CYB5R4: variants seen among roughly 807,000 people sequenced by gnomAD.
The protein encoded by CYB5R4 is N-terminal cytochrome b5 and cytochrome b5 oxidoreductase domain-containing protein.
In CYB5R4, 55 loss-of-function variants were observed where a neutral mutation model predicts 70.2. The observed-to-expected ratio is 0.78, with a 90% CI of 0.63 to 0.98. The LOEUF (loss-of-function observed/expected upper bound fraction) is 0.98, where lower values mean the gene tolerates loss of function less well. CYB5R4 is among the 50% of genes least tolerant of loss of function. The pLI is 0.00. For synonymous variants in CYB5R4, 197 were observed against 199.5 expected, an observed-to-expected ratio of 0.99 and a Z score of 0.11; for missense variants, 562 against 612.6, an observed-to-expected ratio of 0.92 and a Z score of 0.87.
chr6:83,927,992 GACACTTGT>G (rs1462821970), intron 10 of CYB5R4, among the ~76,000 whole-genome samples: 3 of 152,140 alleles, frequency 2.0e-5, no homozygotes, highest in Non-Finnish European at 2.9e-5. Context: ...TTCTGTTTAA[GACACTTGT>G]AGTACTTAGG....
intron 14 of CYB5R4, among the ~76,000 whole-genome samples, chr6:83,946,674 A>G (rs1289633322): frequency 6.6e-6 from 1 of 152,248 alleles, no homozygotes; most frequent in Non-Finnish European, 1.5e-5. Context: ...AGAAAGCCCC[A>G]TCATCTCAGC....
chr6:83,882,770 G>A (rs539944060), intron 2 of CYB5R4, among the ~76,000 whole-genome samples: 2 of 152,188 alleles, frequency 1.3e-5, no homozygotes, highest in South Asian at 4.1e-4. Flanking sequence ...GGTGGATCAC[G>A]AGATCAGGAG....
intron 2 of CYB5R4, among the ~76,000 whole-genome samples, chr6:83,864,921 G>A: frequency 6.6e-6 from 1 of 152,076 alleles, no homozygotes; most frequent in East Asian, 1.9e-4. Flanking sequence ...TGACTTTGTG[G>A]TAGCCAACAA....
At chr6:83,911,743 A>G (rs1045165290) in intron 4 of CYB5R4, among the ~76,000 whole-genome samples, 1 of 152,034 alleles carries the variant, frequency 6.6e-6, no homozygotes, top group Non-Finnish European at 1.5e-5. Context: ...GCCACACGCA[A>G]TCTTAAAAAG....
intron 2 of CYB5R4, among the ~76,000 whole-genome samples, chr6:83,891,735 A>G (rs1448699623): frequency 1.3e-5 from 2 of 152,206 alleles, no homozygotes; most frequent in Admixed American, 1.3e-4. Context: ...AGCCCCTATC[A>G]GAAAGAAAGA....
chr6:83,912,669 G>T (rs1215762041), intron 4 of CYB5R4, among the ~76,000 whole-genome samples: 1 of 152,206 alleles, frequency 6.6e-6, no homozygotes, highest in Non-Finnish European at 1.5e-5. Context: ...GTTACCAAGA[G>T]AAAACATCAG....
chr6:83,864,297 C>T lies in CYB5R4; in HGVS notation c.198C>T (p.Asn66=). 1 of 1,611,702 alleles carries T rather than the reference C, an allele frequency of 6.2e-7. No homozygotes were observed. The highest frequency in any genetic ancestry group is 8.5e-7 in the Non-Finnish European group (1 of 1,179,038). The change falls in exon 2 of 16, where the codon AAC becomes AAT. Residue 66 remains asparagine (N), a synonymous_variant. Transcript: ENST00000369681. Reference sequence around the variant, plus strand: ...CTGAAGAAGAACTTAAGAAACACAACAAAAAAGATGATTGTTGGATATGCA... The same window carrying T: ...CTGAAGAAGAACTTAAGAAACACAATAAAAAAGATGATTGTTGGATATGCA... ...EVTEEELKKH[N]KKDDCWICIR... is the part of the protein sequence containing the mutation.
chr6:83,923,293 C>G (rs1053232375), intron 9 of CYB5R4, among the ~76,000 whole-genome samples: 3 of 152,112 alleles, frequency 2.0e-5, no homozygotes, highest in African/African-American at 4.8e-5. Context: ...TTTTCAAGTA[C>G]TGTCATGGTA....
chr6:83,964,435 A>C lies in CYB5R4; in HGVS notation c.*4557A>C, dbSNP rs1323511982. On this transcript the variant is annotated 3_prime_UTR_variant, in exon 16 of 16. Transcript: ENST00000369681. Reference sequence around the variant, plus strand: ...GCGGCATTTTGCCCCTGCCCTGGAGATTTGTGGAACTCTGAACTTGAGAGA... The same window carrying C: ...GCGGCATTTTGCCCCTGCCCTGGAGCTTTGTGGAACTCTGAACTTGAGAGA... 1 of 152,686 alleles carries C rather than the reference A, an allele frequency of 6.5e-6. No individual in the cohort carries two copies. The allele number at this position is 152,686 out of a possible 1,614,324, so 9.5% of individuals were successfully genotyped here.
intron 2 of CYB5R4, among the ~76,000 whole-genome samples, chr6:83,883,567 T>C (rs1450943081): frequency 6.6e-6 from 1 of 152,110 alleles, no homozygotes; most frequent in Admixed American, 6.6e-5. Context: ...ACAGAATTCT[T>C]GAAGGATAAA....
intron 2 of CYB5R4, among the ~76,000 whole-genome samples, chr6:83,887,195 G>C (rs1450676692): frequency 1.3e-5 from 2 of 152,120 alleles, no homozygotes; most frequent in African/African-American, 4.8e-5. Flanking sequence ...AAAGTGGTGA[G>C]CTACTAGGCA....
chr6:83,934,337 C>T (rs992350714), intron 10 of CYB5R4, among the ~76,000 whole-genome samples: 1 of 150,984 alleles, frequency 6.6e-6, no homozygotes, highest in African/African-American at 2.4e-5. Flanking sequence ...GCTATAATAA[C>T]AGATATGAGG....
intron 10 of CYB5R4, among the ~76,000 whole-genome samples, chr6:83,925,849 G>A (rs1175847433): frequency 6.6e-6 from 1 of 151,802 alleles, no homozygotes; most frequent in East Asian, 1.9e-4. Flanking sequence ...TTGTCCTTTT[G>A]TTCTACTTTC....
At chr6:83,891,535 T>C (rs2099461126) in intron 2 of CYB5R4, among the ~76,000 whole-genome samples, 1 of 152,198 alleles carries the variant, frequency 6.6e-6, no homozygotes, top group African/African-American at 2.4e-5. Context: ...AATGCACCTG[T>C]TCTGTTTTGG....
At chr6:83,953,991 A>C (rs932816851) in intron 14 of CYB5R4, among the ~76,000 whole-genome samples, 1 of 152,218 alleles carries the variant, frequency 6.6e-6, no homozygotes, top group Middle Eastern at 3.4e-3. Flanking sequence ...TTTATGGGTT[A>C]TCTGAATTTA....
intron 2 of CYB5R4, among the ~76,000 whole-genome samples, chr6:83,875,664 A>G (rs957062765): frequency 4.6e-5 from 7 of 152,206 alleles, no homozygotes; most frequent in African/African-American, 1.7e-4. Flanking sequence ...CCTGAGAGTA[A>G]GAGGAGGAAC....
chr6:83,923,786 G>C (rs1316909249), intron 9 of CYB5R4, among the ~76,000 whole-genome samples: 5 of 151,882 alleles, frequency 3.3e-5, no homozygotes, highest in Non-Finnish European at 7.4e-5. Context: ...TTAGTCATCA[G>C]AATCCTTCAG....
At chr6:83,945,050 G>A (rs1249994698) in intron 14 of CYB5R4, among the ~76,000 whole-genome samples, 4 of 152,152 alleles carry the variant, frequency 2.6e-5, no homozygotes, top group African/African-American at 9.7e-5. Context: ...TTCAGGACTT[G>A]AACTCAGCTC....
rs1271683446 is a variant in CYB5R4 at position 83,960,401 on chromosome 6, A to G, written c.*523A>G. The G allele has an allele frequency of 6.6e-6, 1 of 152,596 alleles. No homozygotes were observed. Among genetic ancestry groups the G allele is most frequent in the African/African-American group, 2.4e-5 (1 of 41,452 alleles). 9.5% of individuals were successfully genotyped at this position (152,596 alleles called of 1,614,324 possible). ...GTGTATGGCATTGATGCAGAATAGA[A>G]TAAAATTATACTTAAGTTCTTTTTA... On this transcript the variant is annotated 3_prime_UTR_variant, in exon 16 of 16. Coordinates refer to ENST00000369681, the MANE Select transcript of CYB5R4 (RefSeq NM_016230.4).
Sources: allele counts gnomAD v4.1 joint callset (sites outside exome capture counted in the v4.1 genomes callset), GRCh38; gene constraint gnomAD v4.1.1; transcripts MANE v1.5; gene names NCBI Gene and HGNC (gene_info 2026-07-23, HGNC 2026-07-21).